The following MCC variants were observed in gnomAD, a reference collection of about 807,000 sequenced individuals.
MCC encodes MCC regulator of Wnt signaling pathway.
Under a neutral mutation model 116.2 loss-of-function variants are expected in MCC, and 90 were observed. The ratio of observed to expected loss-of-function variants is 0.77; its 90% CI spans 0.65 to 0.92. The LOEUF is 0.92. Ranked by LOEUF, MCC falls within the 40% of genes least tolerant of loss-of-function variation. The pLI is 0.00. For missense variants in MCC, 1,516 were observed against 1,312.2 expected (o/e 1.16, Z -2.40); for synonymous variants, 578 against 510.5 (o/e 1.13, Z -1.78).
intron 12 of MCC, among the ~76,000 whole-genome samples, chr5:113,069,217 A>G (rs1753851220): frequency 6.6e-6 from 1 of 152,254 alleles, no homozygotes; most frequent in African/African-American, 2.4e-5. Flanking sequence ...TTCTCATAAA[A>G]CTAAGTGCTT....
intron 16 of MCC, chr5:113,048,670 A>C: frequency 3.6e-6 from 1 of 280,178 alleles, no homozygotes; most frequent in Non-Finnish European, 6.6e-6. Context: ...TAGAATATAT[A>C]AGGGTTCAGT....
chr5:113,192,986 C>G (rs551734139), intron 3 of MCC, among the ~76,000 whole-genome samples: 36 of 152,306 alleles, frequency 2.4e-4, no homozygotes, highest in Middle Eastern at 3.4e-3. Flanking sequence ...AGGCCTAAAT[C>G]AAGGTGTTAT....
At chr5:113,432,608 C>G (rs989090855) in intron 1 of MCC, 8 of 152,246 alleles carry the variant, frequency 5.3e-5, no homozygotes, top group Middle Eastern at 3.4e-3. Flanking sequence ...ATAGATTAAC[C>G]AACTTGCCCA....
At chr5:113,172,646 C>T (rs17135381) in intron 3 of MCC, among the ~76,000 whole-genome samples, 1 of 152,160 alleles carries the variant, frequency 6.6e-6, no homozygotes, top group South Asian at 2.1e-4. Flanking sequence ...TACCTATGTG[C>T]TGGGCGTACC....
intron 3 of MCC, among the ~76,000 whole-genome samples, chr5:113,251,275 C>T (rs999482420): frequency 3.3e-5 from 5 of 152,230 alleles, no homozygotes; most frequent in African/African-American, 1.2e-4. Flanking sequence ...TTAATTAGCA[C>T]TGTCTGCGTT....
intron 3 of MCC, among the ~76,000 whole-genome samples, chr5:113,298,915 G>A (rs2150364046): frequency 6.6e-6 from 1 of 152,248 alleles, no homozygotes; most frequent in Admixed American, 6.5e-5. Flanking sequence ...GTCAATGCAA[G>A]GGAATAAGCA....
chr5:113,291,291 C>T (rs1766486689), intron 3 of MCC, among the ~76,000 whole-genome samples: 1 of 152,174 alleles, frequency 6.6e-6, no homozygotes, highest in African/African-American at 2.4e-5. Context: ...TCCTGGAGTA[C>T]TAGGTGCAGA....
At chr5:113,294,911 GT>G (rs1766663215) in intron 3 of MCC, 1 of 985,416 alleles carries the variant, frequency 1.0e-6, no homozygotes, top group South Asian at 4.7e-5. Context: ...TCACGCCGAA[GT>G]TTCCCCTTCG....
chr5:113,056,982 G>A (rs1217032009), intron 14 of MCC, among the ~76,000 whole-genome samples: 2 of 152,182 alleles, frequency 1.3e-5, no homozygotes, highest in African/African-American at 4.8e-5. Flanking sequence ...GTTATTATTT[G>A]TGATTGAGCT....
chr5:113,432,320 C>CAAAAAAAAAAAAAAAAAA (rs66577040), intron 1 of MCC, among the ~76,000 whole-genome samples: 13 of 68,602 alleles, frequency 1.9e-4, no homozygotes, highest in African/African-American at 2.4e-4. Context: ...GACTCTGTCT[C>CAAAAAAAAAAAAAAAAAA]AAAAAAAAAA....
rs1018161389 is a variant in MCC at position 113,048,861 on chromosome 5, A to G, written c.2655+232T>C. 5 of 587,600 alleles carry G rather than the reference A, an allele frequency of 8.5e-6. No homozygotes were observed. In the African/African-American group the frequency reaches 9.3e-5, roughly 11 times the overall value. 36.4% of individuals were successfully genotyped at this position (587,600 alleles called of 1,614,324 possible). A position where few individuals can be genotyped will look rare whatever the true frequency, so the allele number is the denominator to read the frequency against. On this transcript the variant is annotated intron_variant, in intron 16 of 18. Coordinates refer to ENST00000408903, the MANE Select transcript of MCC (RefSeq NM_001085377.2). ...AGATCACCCCTCTGATGTGACTGTG[A>G]TATGTGAAAAGGTTCAACTATTACA...
chr5:113,257,442 G>A (rs1765057237), intron 3 of MCC, among the ~76,000 whole-genome samples: 1 of 152,148 alleles, frequency 6.6e-6, no homozygotes, highest in South Asian at 2.1e-4. Flanking sequence ...TCCAGGCAAT[G>A]AAAGCCAAGG....
intron 3 of MCC, among the ~76,000 whole-genome samples, chr5:113,160,659 A>C (rs1760432819): frequency 1.3e-5 from 2 of 152,214 alleles, no homozygotes; most frequent in Non-Finnish European, 2.9e-5. Flanking sequence ...AATACCCACG[A>C]AACTGTTGAG....
chr5:113,195,327 A>T (rs1345078), intron 3 of MCC, among the ~76,000 whole-genome samples: 13 of 152,150 alleles, frequency 8.5e-5, no homozygotes, highest in South Asian at 6.2e-4. Flanking sequence ...AAAGCAAATT[A>T]TAACAACCAG....
intron 3 of MCC, among the ~76,000 whole-genome samples, chr5:113,318,105 A>C (rs1234371563): frequency 1.3e-5 from 2 of 151,948 alleles, no homozygotes; most frequent in African/African-American, 4.8e-5. Flanking sequence ...GGTGTAGATT[A>C]GATATAACTA....
intron 17 of MCC, among the ~76,000 whole-genome samples, chr5:113,042,229 T>A (rs1456771982): frequency 6.7e-6 from 1 of 149,416 alleles, no homozygotes; most frequent in East Asian, 2.0e-4. Context: ...CCCAACATTT[T>A]GGGAGGCCAA....
chr5:113,362,185 G>C (rs1445734930), intron 2 of MCC, among the ~76,000 whole-genome samples: 1 of 152,066 alleles, frequency 6.6e-6, no homozygotes, highest in Non-Finnish European at 1.5e-5. Context: ...TTTTGAAATG[G>C]AGTCTTGTTC....
chr5:113,129,879 T>C (rs1355876779), intron 5 of MCC, among the ~76,000 whole-genome samples: 1 of 152,334 alleles, frequency 6.6e-6, no homozygotes, highest in Non-Finnish European at 1.5e-5. Flanking sequence ...ACTTTTACAC[T>C]GTTGGTGGGA....
At chr5:113,110,039 G>A (rs929080090) in intron 6 of MCC, among the ~76,000 whole-genome samples, 3 of 151,692 alleles carry the variant, frequency 2.0e-5, no homozygotes, top group Admixed American at 2.0e-4. Flanking sequence ...GGCTAGGAAC[G>A]AACTCCTGGG....
Sources: gnomAD v4.1 joint callset for allele counts (sites outside exome capture counted in the v4.1 genomes callset) on GRCh38, gnomAD v4.1.1 for gene constraint, MANE v1.5 for transcripts, NCBI Gene and HGNC (gene_info 2026-07-23, HGNC 2026-07-21) for gene names.